The following ANKRD27 variants were observed in gnomAD, a reference collection of about 807,000 sequenced individuals.
The protein encoded by ANKRD27 is ankyrin repeat domain-containing protein 27.
Under a neutral mutation model 129.7 loss-of-function variants are expected in ANKRD27, and 112 were observed. The observed-to-expected ratio is 0.86, with a 90% CI of 0.74 to 1.01. The LOEUF is 1.01. Ranked by LOEUF, ANKRD27 falls within the 50% of genes least tolerant of loss-of-function variation. The probability of loss-of-function intolerance (pLI) is 0.00; values close to 1 mark genes in which losing one functional copy is unlikely to be tolerated. For synonymous variants in ANKRD27, 516 were observed against 511.2 expected (o/e 1.01, Z -0.13); for missense variants, 1,258 against 1,300.5 (o/e 0.97, Z 0.50).
At chr19:32,652,219 G>T (rs932669589) in intron 2 of ANKRD27, among the ~76,000 whole-genome samples, 1 of 152,200 alleles carries the variant, frequency 6.6e-6, no homozygotes, top group African/African-American at 2.4e-5. Context: ...ACCAGAAGGT[G>T]GGGACCCAGA....
rs201188207 is a variant in ANKRD27, at chr19:32,659,043, C to T, written c.-28G>A. On this transcript the variant is annotated splice_region_variant and 5_prime_UTR_variant, in exon 2 of 29. Coordinates refer to ENST00000306065, the MANE Select transcript of ANKRD27 (RefSeq NM_032139.3). ...GGACTTCAGATGGGTCAGAGCAAATCTCCTGCAATAAGGGAGGGAAAAGCA... is the reference window on the plus strand; with the variant it reads ...GGACTTCAGATGGGTCAGAGCAAATTTCCTGCAATAAGGGAGGGAAAAGCA... 40 of 1,533,576 alleles carry T rather than the reference C, an allele frequency of 2.6e-5. No homozygotes were observed. The Admixed American group carries it at 4.2e-4, about 16-fold the overall frequency. 95.0% of individuals were successfully genotyped at this position (1,533,576 alleles called of 1,614,324 possible).
At chr19:32,643,753 T>C in intron 5 of ANKRD27, 122 bp from the exon 6 acceptor site, 1 of 1,019,436 alleles carries the variant, frequency 9.8e-7, no homozygotes, top group Non-Finnish European at 1.5e-6. Context: ...GTCAATTACG[T>C]GATTTTTCTC....
chr19:32,597,025 C>CTGTT lies in ANKRD27; in HGVS notation c.*1116_*1119dup, dbSNP rs562917731. On this transcript the variant is annotated 3_prime_UTR_variant, in exon 29 of 29. Coordinates refer to ENST00000306065, the MANE Select transcript of ANKRD27 (RefSeq NM_032139.3). ...ACACAGTCAAGAATCATAAAGTTTACTGTTTCTTTTCCATCATTTGGCACA... is the reference window on the plus strand; with the variant it reads ...ACACAGTCAAGAATCATAAAGTTTACTGTTTGTTTCTTTTCCATCATTTGGCACA... 2.5e-4 allele frequency: 38 copies of CTGTT among 152,612 alleles called. No homozygotes were observed. Among genetic ancestry groups the CTGTT allele is most frequent in the Non-Finnish European group, 3.7e-4 (25 of 68,030 alleles). The allele number at this position is 152,612 out of a possible 1,614,324, so 9.5% of individuals were successfully genotyped here.
At chr19:32,663,862 C>G (rs1357515244) in intron 1 of ANKRD27, among the ~76,000 whole-genome samples, 4 of 151,380 alleles carry the variant, frequency 2.6e-5, no homozygotes, top group Admixed American at 2.6e-4. Flanking sequence ...CGAGACCATC[C>G]CGGCTAAAAC....
intron 2 of ANKRD27, among the ~76,000 whole-genome samples, chr19:32,652,699 G>A (rs141538993): frequency 0.037 from 5,665 of 151,546 alleles, 121 homozygotes; most frequent in Middle Eastern, 0.073. Flanking sequence ...AGGCTGAGGC[G>A]GGTGGATCAC....
intron 28 of ANKRD27, among the ~76,000 whole-genome samples, chr19:32,599,061 C>G (rs1043194559): frequency 6.6e-6 from 1 of 152,182 alleles, no homozygotes; most frequent in East Asian, 1.9e-4. Context: ...GGGCAGATCA[C>G]TTGAGGTCAG....
chr19:32,652,290 T>A (rs1019116000), intron 2 of ANKRD27, among the ~76,000 whole-genome samples: 1 of 152,170 alleles, frequency 6.6e-6, no homozygotes, highest in Non-Finnish European at 1.5e-5. Context: ...ATTTTTTAAA[T>A]CACAGTAATT....
chr19:32,673,186 C>A, intron 1 of ANKRD27: 1 of 672,884 alleles, frequency 1.5e-6, no homozygotes, highest in Non-Finnish European at 1.8e-6. Context: ...AGGGAAGCTG[C>A]CGGCCAAGAT....
chr19:32,644,543 C>G (rs1967266243), intron 4 of ANKRD27, 64 bp from the exon 5 acceptor site: 1 of 1,579,292 alleles, frequency 6.3e-7, no homozygotes, highest in Admixed American at 1.7e-5. Context: ...TCTGTCCTAT[C>G]CTACAGGGCC....
At chr19:32,625,377 G>A (rs1160623338) in intron 17 of ANKRD27, among the ~76,000 whole-genome samples, 1 of 152,020 alleles carries the variant, frequency 6.6e-6, no homozygotes, top group Non-Finnish European at 1.5e-5. Flanking sequence ...AAGATAATGA[G>A]TGACTTGTTT....
chr19:32,608,170 ATTTTT>A (rs3042665), intron 22 of ANKRD27, among the ~76,000 whole-genome samples: 1 of 140,202 alleles, frequency 7.1e-6, no homozygotes, highest in Non-Finnish European at 1.5e-5. Context: ...TGCCCAGCTA[ATTTTT>A]TTTTTTTTTT....
chr19:32,602,156 A>G, intron 25 of ANKRD27, 30 bp from the exon 26 acceptor site: 1 of 1,343,824 alleles, frequency 7.4e-7, no homozygotes, highest in Non-Finnish European at 1.1e-6. Context: ...AGGAACAGTA[A>G]TGTTTTTATT....
At position 32,617,673 on chromosome 19, in the gene ANKRD27, A is replaced by G. The variant is rs754536425; in HGVS notation, c.2008-40T>C. The G allele has an allele frequency of 5.2e-5, 37 of 706,876 alleles. 3 individuals are homozygous for G. The South Asian group carries it at 5.7e-4, about 11-fold the overall frequency. The allele number at this position is 706,876 out of a possible 1,614,324, so 43.8% of individuals were successfully genotyped here. ...CAAGAATGTTAGAAAAATGATTTCA[A>G]CAATAAAATAATAATAGAAATAATA... On this transcript the variant is annotated intron_variant, in intron 20 of 28. Transcript: ENST00000306065.
intron 3 of ANKRD27, among the ~76,000 whole-genome samples, chr19:32,649,113 C>G (rs532863578): frequency 6.6e-6 from 1 of 151,888 alleles, no homozygotes; most frequent in South Asian, 2.1e-4. Flanking sequence ...ACTAGAAGCA[C>G]GCACCATCAC....
intron 1 of ANKRD27, among the ~76,000 whole-genome samples, chr19:32,660,842 A>G (rs995381223): frequency 6.6e-6 from 1 of 151,936 alleles, no homozygotes; most frequent in Non-Finnish European, 1.5e-5. Flanking sequence ...TCTTTTGCTC[A>G]CTTTCCCGCT....
At chr19:32,632,018 G>A (rs1040470496) in intron 12 of ANKRD27, among the ~76,000 whole-genome samples, 61 of 152,258 alleles carry the variant, frequency 4.0e-4, no homozygotes, top group African/African-American at 1.4e-3. Context: ...GCCAGGCGCA[G>A]TGGCTCACAC....
At chr19:32,662,915 G>A (rs1967673944) in intron 1 of ANKRD27, among the ~76,000 whole-genome samples, 1 of 151,974 alleles carries the variant, frequency 6.6e-6, no homozygotes, top group Non-Finnish European at 1.5e-5. Flanking sequence ...GATGGCATGT[G>A]CCTGTAATCC....
chr19:32,629,490 AG>A lies in ANKRD27; in HGVS notation c.1210-642del, dbSNP rs200277170. ...CAAGGCAGGTGGCTCATTTGAGGTC[AG>A]GAGTTCGAGACTAGCCTGGCCAACA... On this transcript the variant is annotated intron_variant, in intron 13 of 28. Transcript: ENST00000306065. Among the ~76,000 whole-genome samples the A allele has an allele frequency of 7.8e-3, 1,185 of 152,102 alleles. 12 individuals are homozygous for A. The highest frequency in any genetic ancestry group is 0.013 in the South Asian group (61 of 4,778).
intron 1 of ANKRD27, among the ~76,000 whole-genome samples, chr19:32,671,676 CAG>C (rs1967873191): frequency 6.6e-6 from 1 of 152,218 alleles, no homozygotes; most frequent in Non-Finnish European, 1.5e-5. Flanking sequence ...GCCTGGGCAA[CAG>C]AGTGAGACCT....
Sources: gnomAD v4.1 joint callset for allele counts (sites outside exome capture counted in the v4.1 genomes callset) on GRCh38, gnomAD v4.1.1 for gene constraint, MANE v1.5 for transcripts, NCBI Gene and HGNC (gene_info 2026-07-23, HGNC 2026-07-21) for gene names.